NLRP14: variants seen among roughly 807,000 people sequenced by gnomAD.
NLRP14 encodes NLR family pyrin domain containing 14, also known as NACHT, LRR and PYD domains-containing protein 14.
NLRP14 carries 105 observed loss-of-function variants against 94.7 expected under a neutral mutation model. The ratio of observed to expected loss-of-function variants is 1.11; its 90% CI spans 0.95 to 1.30. The LOEUF (loss-of-function observed/expected upper bound fraction) is 1.30, where lower values mean the gene tolerates loss of function less well. Among genes scored for constraint, NLRP14 ranks in the 50% most tolerant of loss-of-function variants. The pLI is 0.00. For missense variants in NLRP14, 1,362 were observed against 1,254.1 expected (o/e 1.09, Z -1.30); for synonymous variants, 508 against 459.9 (o/e 1.10, Z -1.34).
intron 8 of NLRP14, among the ~76,000 whole-genome samples, chr11:7,059,099 C>T (rs1446870458): frequency 6.6e-6 from 1 of 151,504 alleles, no homozygotes; most frequent in Non-Finnish European, 1.5e-5. Flanking sequence ...AGCATCTTTT[C>T]AAATGTTTTT....
chr11:7,055,918 G>A (rs1250757701), intron 6 of NLRP14, among the ~76,000 whole-genome samples: 2 of 152,014 alleles, frequency 1.3e-5, no homozygotes, highest in Admixed American at 1.3e-4. Context: ...AGGAAGTCGT[G>A]CAGGCTCTTA....
intron 1 of NLRP14, among the ~76,000 whole-genome samples, chr11:7,027,765 C>T (rs1027115785): frequency 2.6e-5 from 4 of 152,132 alleles, no homozygotes; most frequent in African/African-American, 9.7e-5. Flanking sequence ...CTATTGATCT[C>T]AATGTTGCTA....
intron 6 of NLRP14, among the ~76,000 whole-genome samples, chr11:7,056,242 A>G (rs1852512906): frequency 6.6e-6 from 1 of 151,986 alleles, no homozygotes. Context: ...TACAAGAGTG[A>G]CACAAAGCAA....
At chr11:7,058,183 T>C in intron 7 of NLRP14, 97 bp from the exon 8 acceptor site, 1 of 955,712 alleles carries the variant, frequency 1.0e-6, no homozygotes, top group Non-Finnish European at 1.7e-6. Context: ...ATAGTTGAGG[T>C]ATGGGGGTTA....
chr11:7,064,425 G>A (rs1852674389), intron 10 of NLRP14, among the ~76,000 whole-genome samples: 1 of 152,010 alleles, frequency 6.6e-6, no homozygotes, highest in African/African-American at 2.4e-5. Context: ...TATTTTGCCA[G>A]GCCAAGGTGT....
At chr11:7,033,042 C>T (rs1852118701) in intron 1 of NLRP14, among the ~76,000 whole-genome samples, 1 of 152,116 alleles carries the variant, frequency 6.6e-6, no homozygotes, top group Non-Finnish European at 1.5e-5. Flanking sequence ...TTTGATTTGG[C>T]TTCTTCCACT....
At chr11:7,023,002 A>G (rs1418255211) in intron 1 of NLRP14, among the ~76,000 whole-genome samples, 1 of 152,190 alleles carries the variant, frequency 6.6e-6, no homozygotes, top group Non-Finnish European at 1.5e-5. Context: ...ATGGATGACT[A>G]AATTATTGAG....
the NLRP14 span, chr11:7,089,082 G>A: frequency 6.3e-7 from 1 of 1,597,306 alleles, no homozygotes; most frequent in African/African-American, 1.3e-5. Flanking sequence ...CCGCCTCACC[G>A]CCTCCCACCG....
At chr11:7,038,521 C>G (rs1398774826) in intron 1 of NLRP14, 45 bp from the exon 2 acceptor site, 1 of 1,426,730 alleles carries the variant, frequency 7.0e-7, no homozygotes, top group African/African-American at 1.4e-5. Context: ...TTTCATGTGT[C>G]CCATTTATTC....
intron 10 of NLRP14, among the ~76,000 whole-genome samples, chr11:7,068,435 C>G (rs556346630): frequency 5.3e-5 from 8 of 152,202 alleles, no homozygotes; most frequent in African/African-American, 1.4e-4. Context: ...TTTGAGTCCA[C>G]AATATTTGTA....
chr11:7,090,662 A>G, the NLRP14 span: 3 of 332,488 alleles, frequency 9.0e-6, no homozygotes, highest in Admixed American at 1.4e-4. Context: ...CTCACCTAAA[A>G]TGGAAAAACG....
intron 1 of NLRP14, among the ~76,000 whole-genome samples, chr11:7,036,410 G>T (rs570665103): frequency 3.3e-5 from 5 of 152,124 alleles, no homozygotes; most frequent in African/African-American, 1.2e-4. Flanking sequence ...AAAGCTAATA[G>T]GGTTCAGACT....
intron 10 of NLRP14, among the ~76,000 whole-genome samples, chr11:7,065,373 A>G (rs1852689709): frequency 6.6e-6 from 1 of 152,144 alleles, no homozygotes; most frequent in African/African-American, 2.4e-5. Flanking sequence ...ATAGAAACAT[A>G]GGAGTTTTTA....
chr11:7,034,531 A>G (rs1852136362), intron 1 of NLRP14, among the ~76,000 whole-genome samples: 3 of 152,142 alleles, frequency 2.0e-5, no homozygotes, highest in Non-Finnish European at 4.4e-5. Context: ...ACAGTTTTAA[A>G]GTGGTTTTAT....
At chr11:7,087,109 T>C in the NLRP14 span, among the ~76,000 whole-genome samples, 1 of 152,194 alleles carries the variant, frequency 6.6e-6, no homozygotes, top group Non-Finnish European at 1.5e-5. Context: ...GGGGCCTGGA[T>C]GGAGTCACAC....
At chr11:7,040,423 G>A (rs1045688011) in intron 3 of NLRP14, among the ~76,000 whole-genome samples, 6 of 152,142 alleles carry the variant, frequency 3.9e-5, no homozygotes, top group Admixed American at 1.3e-4. Flanking sequence ...CTCCTTATGA[G>A]AATCTGATGA....
downstream of NLRP14, among the ~76,000 whole-genome samples, chr11:7,076,135 T>C (rs1351025476): frequency 6.6e-6 from 1 of 152,216 alleles, no homozygotes. Flanking sequence ...TTGATCATTA[T>C]GGATATTTTT....
chr11:7,055,689 C>G (rs1009756400), intron 6 of NLRP14, among the ~76,000 whole-genome samples: 7 of 152,046 alleles, frequency 4.6e-5, no homozygotes, highest in African/African-American at 1.7e-4. Context: ...CTACCCTGAC[C>G]AACTCTCAAA....
chr11:7,069,385 A>G (rs1852757068), intron 10 of NLRP14, among the ~76,000 whole-genome samples: 1 of 152,186 alleles, frequency 6.6e-6, no homozygotes, highest in African/African-American at 2.4e-5. Flanking sequence ...CAAATTGTTT[A>G]GGAGAATGTT....
Sources: gnomAD v4.1 joint callset for allele counts (sites outside exome capture counted in the v4.1 genomes callset) on GRCh38, gnomAD v4.1.1 for gene constraint, MANE v1.5 for transcripts, NCBI Gene and HGNC (gene_info 2026-07-23, HGNC 2026-07-21) for gene names.